FANCD2: variants seen among roughly 807,000 people sequenced by gnomAD.
FANCD2 encodes FA complementation group D2, also known as Fanconi anemia group D2 protein.
Under a neutral mutation model 192.3 loss-of-function variants are expected in FANCD2, and 131 were observed. That is an observed-to-expected ratio of 0.68 (90% CI 0.59 to 0.79). FANCD2 has a LOEUF of 0.79. Ranked by LOEUF, FANCD2 falls within the 30% of genes least tolerant of loss-of-function variation. The pLI, the probability that FANCD2 is intolerant of heterozygous loss-of-function variation, is 0.00. For missense variants in FANCD2, 1,508 were observed against 1,701.6 expected (o/e 0.89, Z 2.00); for synonymous variants, 524 against 612.5 (o/e 0.86, Z 2.13).
rs758492931 is a variant in FANCD2 at position 10,032,912 on chromosome 3, G to T, written c.145G>T (p.Val49Leu). The change falls in exon 3 of 44, where the codon GTA becomes TTA. Residue 49 changes from valine (V) to leucine (L), a missense_variant. By Grantham distance (32) the Val-to-Leu change is conservative (BLOSUM62 1). Coordinates refer to ENST00000675286, the MANE Select transcript of FANCD2 (RefSeq NM_001018115.3). ...AGTTGAAGAAAATGACAGCATCTTT[G>T]TAAAGCTTCTTAAGATATCAGGAAT... The part of the protein sequence containing the change: ...NEVEENDSIF[V>L]KLLKISGIIL... The T allele has an allele frequency of 6.2e-7, 1 of 1,601,976 alleles. No homozygotes were observed. Among genetic ancestry groups the T allele is most frequent in the Non-Finnish European group, 8.6e-7 (1 of 1,169,296 alleles).
chr3:10,069,459 GCC>G (rs551709317), intron 26 of FANCD2, among the ~76,000 whole-genome samples: 22,350 of 128,558 alleles, frequency 0.17, 2,340 homozygotes, highest in African/African-American at 0.33. Context: ...TAGTTAAGAT[GCC>G]TCTCCCCCTC....
rs1559404961 is a variant in FANCD2, at chr3:10,088,927, C to G, written c.3660C>G (p.Ser1220=). Residue 1220 remains serine, a synonymous_variant, in exon 36 of 44, where the codon TCC becomes TCG. Coordinates refer to ENST00000675286, the MANE Select transcript of FANCD2 (RefSeq NM_001018115.3). ...TCAACTCTCCTAAAGATGCATCTTC[C>G]TCCACATTCCCTACACTGACCAGGT... The part of the protein sequence containing the change: ...ELINSPKDAS[S]STFPTLTRHT... 1.9e-6 allele frequency: 3 copies of G among 1,613,922 alleles called. No homozygotes were observed. Among genetic ancestry groups the G allele is most frequent in the Middle Eastern group, 1.7e-4 (1 of 6,058 alleles).
At chr3:10,078,932 G>A (rs910418528) in intron 30 of FANCD2, among the ~76,000 whole-genome samples, 1 of 146,956 alleles carries the variant, frequency 6.8e-6, no homozygotes, top group Non-Finnish European at 1.5e-5. Flanking sequence ...CTGGGTGACA[G>A]ATTTCGTCTC....
chr3:10,052,508 A>T lies in FANCD2; in HGVS notation c.1656+11A>T, dbSNP rs570587080. 6.3e-7 allele frequency: 1 copy of T among 1,576,954 alleles called. No homozygotes were observed. The highest frequency in any genetic ancestry group is 8.7e-7 in the Non-Finnish European group (1 of 1,149,960). ...AGCAGCCACATCCAGGTAAGAGGCA[A>T]TATGTTGGGAAAGATTTTTTTTTTT... On this transcript the variant is annotated intron_variant, in intron 18 of 43. Transcript: ENST00000675286.
chr3:10,098,932 A>G (rs1195633143), intron 43 of FANCD2, 117 bp downstream of exon 43: 9 of 1,614,166 alleles, frequency 5.6e-6, no homozygotes, highest in Non-Finnish European at 7.6e-6. Flanking sequence ...TTCTATGCCC[A>G]TTTCCATTCC....
intron 43 of FANCD2, 98 bp from the exon 44 acceptor site, chr3:10,101,090 T>A: frequency 3.3e-6 from 3 of 919,014 alleles, no homozygotes; most frequent in South Asian, 2.8e-5. Context: ...GTTTTAACAG[T>A]GATAATAGTA....
intron 6 of FANCD2, 64 bp from the exon 7 acceptor site, chr3:10,036,223 G>T: frequency 1.4e-6 from 2 of 1,391,708 alleles, no homozygotes; most frequent in South Asian, 2.3e-5. Context: ...CAAGTAGCTG[G>T]GATTATACAT....
intron 5 of FANCD2, 95 bp from the exon 6 acceptor site, chr3:10,035,078 A>G (rs2086695741): frequency 9.6e-7 from 1 of 1,036,972 alleles, no homozygotes; most frequent in East Asian, 2.4e-5. Context: ...TCCTCTTTAA[A>G]TATTATGTAT....
rs533541893 is a variant in FANCD2, at chr3:10,087,239, T to C, written c.3441T>C (p.Ala1147=). Residue 1147 remains alanine (A), a synonymous_variant, in exon 34 of 44, where the codon GCT becomes GCC. Coordinates refer to ENST00000675286, the MANE Select transcript of FANCD2 (RefSeq NM_001018115.3). ...LLMVILEKST[A]SAQNKEKIAS... is the part of the protein sequence containing the mutation. ...TGGTTATTTTGGAGAAATCAACAGCTTCTGCTCAGAACAAAGAAAAAATTG... is the reference window on the plus strand; with the variant it reads ...TGGTTATTTTGGAGAAATCAACAGCCTCTGCTCAGAACAAAGAAAAAATTG... 16 of 1,613,508 alleles carry C rather than the reference T, an allele frequency of 9.9e-6. No homozygotes were observed. The Admixed American group carries it at 2.3e-4, about 24-fold the overall frequency.
chr3:10,042,468 G>T (rs1575747638), intron 10 of FANCD2, 91 bp from the exon 11 acceptor site: 7 of 1,050,002 alleles, frequency 6.7e-6, no homozygotes, highest in Non-Finnish European at 1.0e-5. Flanking sequence ...AGTAAGAGAA[G>T]TGATTTTTTT....
At chr3:10,028,188 C>T (rs1193654476) in intron 1 of FANCD2, among the ~76,000 whole-genome samples, 1 of 152,088 alleles carries the variant, frequency 6.6e-6, no homozygotes, top group African/African-American at 2.4e-5. Context: ...ACTTACATAA[C>T]TGTAGTTCAG....
rs1198982144 is a variant in FANCD2 at position 10,077,974 on chromosome 3, G to A, written c.2860-107G>A. On this transcript the variant is annotated intron_variant, in intron 29 of 43. Coordinates refer to ENST00000675286, the MANE Select transcript of FANCD2 (RefSeq NM_001018115.3). ...ACTTGGGCCCAGGAGTTCAAGGCTGGAATAGCTATGATCTTGCCACTGCAC... is the reference window on the plus strand; with the variant it reads ...ACTTGGGCCCAGGAGTTCAAGGCTGAAATAGCTATGATCTTGCCACTGCAC... The A allele has an allele frequency of 3.7e-6, 3 of 818,466 alleles. No individual in the cohort carries two copies. The Admixed American group carries it at 5.2e-5, about 14-fold the overall frequency. The allele number at this position is 818,466 out of a possible 1,614,324, so 50.7% of individuals were successfully genotyped here. A position where few individuals can be genotyped will look rare whatever the true frequency, so the allele number is the denominator to read the frequency against.
In FANCD2 at chr3:10,085,879, C is replaced by T. The variant is rs1431938056; in HGVS notation, c.3292C>T (p.Leu1098=). 4.3e-6 allele frequency: 7 copies of T among 1,613,590 alleles called. No individual in the cohort carries two copies. In the African/African-American group the frequency reaches 9.3e-5, roughly 22 times the overall value. The change falls in exon 33 of 44, where the codon CTG becomes TTG. Residue 1098 remains leucine, a synonymous_variant. Coordinates refer to ENST00000675286, the MANE Select transcript of FANCD2 (RefSeq NM_001018115.3). Reference sequence around the variant, plus strand: ...AGCCCTCCATGTCCTTAGTAGCCGACTGAAACAGGGAGAACACAGCCAGCC... The same window carrying T: ...AGCCCTCCATGTCCTTAGTAGCCGATTGAAACAGGGAGAACACAGCCAGCC... ...YSALHVLSSR[L]KQGEHSQPLE... is the part of the protein sequence containing the mutation.
chr3:10,100,760 C>T (rs1453120708), intron 43 of FANCD2, among the ~76,000 whole-genome samples: 3 of 152,064 alleles, frequency 2.0e-5, no homozygotes, highest in Non-Finnish European at 2.9e-5. Context: ...GCTGGAGGAC[C>T]ATAGCTTATT....
At chr3:10,075,078 A>ACTTG (rs1302047287) in intron 29 of FANCD2, among the ~76,000 whole-genome samples, 2 of 152,194 alleles carry the variant, frequency 1.3e-5, no homozygotes, top group African/African-American at 4.8e-5. Context: ...TAATCAAAGC[A>ACTTG]CTTGCATTTC....
chr3:10,042,065 T>G (rs1201295935), intron 10 of FANCD2, among the ~76,000 whole-genome samples: 1 of 151,994 alleles, frequency 6.6e-6, no homozygotes, highest in Non-Finnish European at 1.5e-5. Flanking sequence ...TCCCGGCTAA[T>G]TTTTGTATTT....
chr3:10,067,179 A>G, intron 25 of FANCD2, 30 bp from the exon 26 acceptor site: 1 of 1,317,282 alleles, frequency 7.6e-7, no homozygotes, highest in Non-Finnish European at 1.1e-6. Flanking sequence ...GAACATTTGG[A>G]AGTATGAGAA....
chr3:10,034,571 C>A, intron 4 of FANCD2, 35 bp downstream of exon 4: 1 of 1,562,838 alleles, frequency 6.4e-7, no homozygotes, highest in Non-Finnish European at 8.8e-7. Context: ...TTGCTTGTGC[C>A]AGCATAACTC....
At chr3:10,055,894 G>C (rs1302864414) in intron 18 of FANCD2, among the ~76,000 whole-genome samples, 1 of 151,760 alleles carries the variant, frequency 6.6e-6, no homozygotes. Context: ...ATTTTGTTTT[G>C]TTGAGATGGA....
Sources: allele counts gnomAD v4.1 joint callset (sites outside exome capture counted in the v4.1 genomes callset), GRCh38; gene constraint gnomAD v4.1.1; transcripts MANE v1.5; gene names NCBI Gene and HGNC (gene_info 2026-07-23, HGNC 2026-07-21).